Variants in TMEM108 observed in about 807,000 individuals in gnomAD.
The protein encoded by TMEM108 is transmembrane protein 108.
Under a neutral mutation model 35.1 loss-of-function variants are expected in TMEM108, and 12 were observed. That is an observed-to-expected ratio of 0.34 (90% CI 0.22 to 0.55). The LOEUF is 0.55. TMEM108 is among the 20% of genes least tolerant of loss of function. TMEM108 has a pLI of 0.89. For synonymous variants in TMEM108, 287 were observed against 308.6 expected, an observed-to-expected ratio of 0.93 and a Z score of 0.73; for missense variants, 680 against 753.3, an observed-to-expected ratio of 0.90 and a Z score of 1.14.
chr3:133,091,223 CT>C (rs774070400), intron 2 of TMEM108, among the ~76,000 whole-genome samples: 8 of 152,070 alleles, frequency 5.3e-5, no homozygotes, highest in African/African-American at 9.7e-5. Context: ...AGAAATTGAA[CT>C]TTTCCATATA....
At chr3:133,054,699 G>C (rs571879158) in intron 2 of TMEM108, among the ~76,000 whole-genome samples, 13 of 152,318 alleles carry the variant, frequency 8.5e-5, no homozygotes, top group African/African-American at 3.1e-4. Flanking sequence ...TACTGCAGAA[G>C]GCTCTGTCTT....
chr3:133,343,412 G>A (rs2071721978), intron 3 of TMEM108, among the ~76,000 whole-genome samples: 2 of 151,910 alleles, frequency 1.3e-5, no homozygotes, highest in African/African-American at 4.8e-5. Flanking sequence ...AAACTTGCAT[G>A]TGAATGTTTA....
In TMEM108 at chr3:133,378,314, T is replaced by A. The variant is rs535229562; in HGVS notation, c.41-1438T>A. ...CTTGTGTCAAAGGCATGCCTGGAGA[T>A]CTCCTCCCCATCTCTGCTTCTCGCC... On this transcript the variant is annotated intron_variant, in intron 3 of 5. Transcript: ENST00000321871. 1.5e-5 allele frequency: 15 copies of A among 983,620 alleles called. No homozygotes were observed. The African/African-American group carries it at 2.4e-4, about 16-fold the overall frequency. The allele number at this position is 983,620 out of a possible 1,614,324, so 60.9% of individuals were successfully genotyped here.
intron 2 of TMEM108, among the ~76,000 whole-genome samples, chr3:133,137,363 TA>T (rs1944579573): frequency 6.6e-6 from 1 of 152,232 alleles, no homozygotes; most frequent in Admixed American, 6.5e-5. Flanking sequence ...TATGTTTTTC[TA>T]ATTTGAAAGA....
intron 4 of TMEM108, chr3:133,386,722 C>CATA (rs1456370904): frequency 4.4e-6 from 6 of 1,350,202 alleles, no homozygotes; most frequent in Non-Finnish European, 4.8e-6. Context: ...CTTGTGTTTG[C>CATA]ATAGAGCTGC....
intron 5 of TMEM108, among the ~76,000 whole-genome samples, chr3:133,394,107 TGCAG>T (rs1389555001): frequency 1.3e-5 from 2 of 152,226 alleles, no homozygotes; most frequent in Non-Finnish European, 2.9e-5. Context: ...TGAGGGTAAA[TGCAG>T]GCAGCCTAGG....
chr3:133,170,751 G>A (rs559471629), intron 2 of TMEM108, among the ~76,000 whole-genome samples: 2 of 152,070 alleles, frequency 1.3e-5, no homozygotes, highest in East Asian at 3.9e-4. Context: ...TATGATAGGA[G>A]ATATATCAGT....
intron 2 of TMEM108, among the ~76,000 whole-genome samples, chr3:133,081,519 C>G (rs1357567022): frequency 6.6e-6 from 1 of 152,216 alleles, no homozygotes; most frequent in African/African-American, 2.4e-5. Flanking sequence ...CAATTCAGTT[C>G]ACAGCAATGA....
At chr3:133,257,309 G>T (rs1946562091) in intron 3 of TMEM108, 1 of 152,192 alleles carries the variant, frequency 6.6e-6, no homozygotes, top group Non-Finnish European at 1.5e-5. Context: ...CCCTCGTAAA[G>T]AATTTATCAA....
intron 2 of TMEM108, among the ~76,000 whole-genome samples, chr3:133,131,890 T>G (rs868266821): frequency 1.3e-5 from 2 of 151,998 alleles, no homozygotes; most frequent in Non-Finnish European, 2.9e-5. Context: ...CAGATATATA[T>G]AGAGAGAGTG....
At chr3:133,061,422 C>T (rs1943533913) in intron 2 of TMEM108, among the ~76,000 whole-genome samples, 1 of 152,102 alleles carries the variant, frequency 6.6e-6, no homozygotes, top group Admixed American at 6.5e-5. Context: ...ACCGTGTTAG[C>T]CAAGATGGTC....
At chr3:133,120,078 A>G (rs1432337535) in intron 2 of TMEM108, among the ~76,000 whole-genome samples, 1 of 152,198 alleles carries the variant, frequency 6.6e-6, no homozygotes, top group Non-Finnish European at 1.5e-5. Context: ...TTCTTCTTCT[A>G]AAAACTTTAG....
chr3:133,204,954 C>G (rs1056381728), intron 2 of TMEM108, among the ~76,000 whole-genome samples: 1 of 152,170 alleles, frequency 6.6e-6, no homozygotes, highest in African/African-American at 2.4e-5. Flanking sequence ...TTGTAGGTCT[C>G]TAAGAACTTA....
At chr3:133,309,390 T>C (rs979452427) in intron 3 of TMEM108, among the ~76,000 whole-genome samples, 1 of 152,198 alleles carries the variant, frequency 6.6e-6, no homozygotes, top group African/African-American at 2.4e-5. Context: ...TAGTTATTTC[T>C]CACCTTCTGC....
At chr3:133,328,241 GGTGTGTGCCTAATAGGGAATT>G (rs1228718018) in intron 3 of TMEM108, among the ~76,000 whole-genome samples, 2 of 152,112 alleles carry the variant, frequency 1.3e-5, no homozygotes, top group Non-Finnish European at 1.5e-5. Flanking sequence ...TTAGGACAAC[GGTGTGTGCCTAATAGGGAATT>G]AATTATTTGT....
chr3:133,085,195 A>G (rs1943866133), intron 2 of TMEM108, among the ~76,000 whole-genome samples: 1 of 152,204 alleles, frequency 6.6e-6, no homozygotes, highest in Admixed American at 6.5e-5. Flanking sequence ...TAGTCCAAAG[A>G]CAATGTAAAG....
chr3:133,107,709 A>T (rs1189616521), intron 2 of TMEM108, among the ~76,000 whole-genome samples: 2 of 152,162 alleles, frequency 1.3e-5, no homozygotes, highest in African/African-American at 4.8e-5. Context: ...TGGGTGACAC[A>T]TCCTGAGTCT....
At chr3:133,190,120 C>G (rs891610206) in intron 2 of TMEM108, among the ~76,000 whole-genome samples, 2 of 152,028 alleles carry the variant, frequency 1.3e-5, no homozygotes, top group Non-Finnish European at 1.5e-5. Flanking sequence ...ATCACCATGG[C>G]AACAGAAATC....
chr3:133,158,245 G>A (rs562114743), intron 2 of TMEM108, among the ~76,000 whole-genome samples: 77 of 152,016 alleles, frequency 5.1e-4, no homozygotes, highest in African/African-American at 1.8e-3. Context: ...CAAGGTGGGC[G>A]GGTCACGAGG....
Sources: allele counts gnomAD v4.1 joint callset (sites outside exome capture counted in the v4.1 genomes callset), GRCh38; gene constraint gnomAD v4.1.1; transcripts MANE v1.5; gene names NCBI Gene and HGNC (gene_info 2026-07-23, HGNC 2026-07-21).